Variants in MARCHF3 observed in about 807,000 individuals in gnomAD.
MARCHF3 encodes E3 ubiquitin-protein ligase MARCHF3.
Under a neutral mutation model 24.2 loss-of-function variants are expected in MARCHF3, and 13 were observed. The ratio of observed to expected loss-of-function variants is 0.54; its 90% CI spans 0.35 to 0.85. The LOEUF (loss-of-function observed/expected upper bound fraction) is 0.85. MARCHF3 is among the 40% of genes least tolerant of loss of function. MARCHF3 has a pLI of 0.01. For missense variants in MARCHF3, 276 were observed against 325.0 expected (o/e 0.85, Z 1.16); for synonymous variants, 144 against 137.3 (o/e 1.05, Z -0.34).
chr5:126,916,684 GACAGACAGACACAC>G (rs1754744833), intron 2 of MARCHF3, among the ~76,000 whole-genome samples: 2 of 93,434 alleles, frequency 2.1e-5, no homozygotes, highest in African/African-American at 9.4e-5. Context: ...CTGACAGACA[GACAGACAGACACAC>G]ACACACACAC....
chr5:126,900,976 G>C (rs976476894), intron 3 of MARCHF3, among the ~76,000 whole-genome samples: 10 of 152,006 alleles, frequency 6.6e-5, no homozygotes, highest in Admixed American at 5.9e-4. Flanking sequence ...AAAGTGCTGG[G>C]ATAACAGGCA....
intron 3 of MARCHF3, among the ~76,000 whole-genome samples, chr5:126,901,240 C>T (rs12654808): frequency 0.02 from 3,107 of 152,212 alleles, 80 homozygotes; most frequent in South Asian, 0.12. Flanking sequence ...AACCCCTTAA[C>T]TCTGTAAAAC....
At position 127,030,401 on chromosome 5, in the gene MARCHF3, T is replaced by A. The variant is rs1753146608; in HGVS notation, c.-108A>T. On this transcript the variant is annotated 5_prime_UTR_variant, in exon 1 of 5. Transcript: ENST00000308660. The stretch of plus-strand genomic sequence containing the variant: ...CCGACGTCCCTGCTGCGGTTCTAAG[T>A]GCCAAGTTGCCCCCAGTCGGTGGCT... 6.6e-6 allele frequency: 1 copy of A among 152,308 alleles called. No homozygotes were observed. The highest frequency in any genetic ancestry group is 1.5e-5 in the Non-Finnish European group (1 of 68,138). 9.4% of individuals were successfully genotyped at this position (152,308 alleles called of 1,614,324 possible).
chr5:126,888,200 C>T (rs1224337111), intron 3 of MARCHF3, among the ~76,000 whole-genome samples: 2 of 152,216 alleles, frequency 1.3e-5, no homozygotes, highest in Non-Finnish European at 2.9e-5. Flanking sequence ...TTTTGCCACA[C>T]ACATGTGCAC....
chr5:126,965,248 A>G (rs1271391263), intron 1 of MARCHF3, among the ~76,000 whole-genome samples: 1 of 152,158 alleles, frequency 6.6e-6, no homozygotes, highest in Non-Finnish European at 1.5e-5. Flanking sequence ...GAAGAAACCA[A>G]TGCTCTATTA....
At chr5:126,968,414 T>C (rs1488142941) in intron 1 of MARCHF3, among the ~76,000 whole-genome samples, 1 of 152,252 alleles carries the variant, frequency 6.6e-6, no homozygotes, top group Non-Finnish European at 1.5e-5. Flanking sequence ...TGTTTATCTT[T>C]TTGATTCTAT....
chr5:126,883,138 T>C (rs185624604), intron 3 of MARCHF3, among the ~76,000 whole-genome samples: 1 of 152,348 alleles, frequency 6.6e-6, no homozygotes, highest in Non-Finnish European at 1.5e-5. Flanking sequence ...GTGGACAGCT[T>C]TTGCAGCTCA....
intron 4 of MARCHF3, among the ~76,000 whole-genome samples, chr5:126,872,361 A>G (rs971758517): frequency 5.3e-5 from 8 of 152,106 alleles, no homozygotes; most frequent in Non-Finnish European, 1.0e-4. Context: ...TGCCCGGCCA[A>G]GGTGCTTGCT....
intron 1 of MARCHF3, among the ~76,000 whole-genome samples, chr5:126,974,981 G>A (rs973852288): frequency 1.3e-5 from 2 of 152,100 alleles, no homozygotes; most frequent in African/African-American, 4.8e-5. Flanking sequence ...TTATTGAGAT[G>A]GAGTCTCGCT....
chr5:126,938,165 C>CTTTTTTTTTTTTTTTTTTTTTT (rs527628656), intron 1 of MARCHF3, among the ~76,000 whole-genome samples: 1 of 122,916 alleles, frequency 8.1e-6, no homozygotes, highest in Non-Finnish European at 1.7e-5. Context: ...TGATCTGATT[C>CTTTTTTTTTTTTTTTTTTTTTT]TTTTTTTTTT....
chr5:127,009,109 C>T (rs1046712153), intron 1 of MARCHF3, among the ~76,000 whole-genome samples: 2 of 152,164 alleles, frequency 1.3e-5, no homozygotes, highest in East Asian at 3.9e-4. Context: ...TCCAAATTTC[C>T]TCCACAAAAA....
At position 126,926,411 on chromosome 5, in the gene MARCHF3, C is replaced by A. The variant is rs73783499; in HGVS notation, c.-56-8184G>T. Among the ~76,000 whole-genome samples, 1,285 of 152,252 alleles carry A rather than the reference C, an allele frequency of 8.4e-3. 19 individuals are homozygous for A. The highest frequency in any genetic ancestry group is 0.025 in the East Asian group (132 of 5,178). ...CAACACATTTGGCTGCATTACTTTG[C>A]ATTTACACACAAGATAAGCAAGGTC... On this transcript the variant is annotated intron_variant, in intron 1 of 4. Transcript: ENST00000308660.
rs1243671132 is a variant in MARCHF3 at position 126,870,192 on chromosome 5, CAAAT to C, written c.*437_*440del. 1 of 152,746 alleles carries C rather than the reference CAAAT, an allele frequency of 6.5e-6. No homozygotes were observed. Among genetic ancestry groups the C allele is most frequent in the African/African-American group, 2.4e-5 (1 of 41,426 alleles). 9.5% of individuals were successfully genotyped at this position (152,746 alleles called of 1,614,324 possible). ...CGAGAAACTGAGAAACAAACTAACT[CAAAT>C]AAGACCCAACCAAACCAAGAAACCA... On this transcript the variant is annotated 3_prime_UTR_variant, in exon 5 of 5. Transcript: ENST00000308660.
intron 1 of MARCHF3, among the ~76,000 whole-genome samples, chr5:127,004,826 A>C (rs1752253977): frequency 6.6e-6 from 1 of 152,248 alleles, no homozygotes; most frequent in Non-Finnish European, 1.5e-5. Flanking sequence ...TAAAAGGCAT[A>C]TTAGAAAAAG....
At chr5:126,908,540 A>G (rs1275204761) in intron 3 of MARCHF3, among the ~76,000 whole-genome samples, 5 of 151,964 alleles carry the variant, frequency 3.3e-5, no homozygotes, top group African/African-American at 1.2e-4. Context: ...TTTTTTCTCT[A>G]AACTTCCCTT....
chr5:126,896,018 G>GT (rs1160992312), intron 3 of MARCHF3, among the ~76,000 whole-genome samples: 1 of 152,154 alleles, frequency 6.6e-6, no homozygotes, highest in Non-Finnish European at 1.5e-5. Context: ...CTGGTGCGCC[G>GT]TTTTTTAAGC....
At chr5:126,879,648 C>T (rs908922238) in intron 3 of MARCHF3, among the ~76,000 whole-genome samples, 1 of 152,212 alleles carries the variant, frequency 6.6e-6, no homozygotes, top group South Asian at 2.1e-4. Context: ...AGATTTAATT[C>T]AGTGCTTACA....
intron 1 of MARCHF3, among the ~76,000 whole-genome samples, chr5:127,008,789 C>T (rs554246971): frequency 3.3e-5 from 5 of 152,204 alleles, no homozygotes; most frequent in East Asian, 1.9e-4. Context: ...TGGCAGGCAA[C>T]GGGCCAGACA....
intron 1 of MARCHF3, among the ~76,000 whole-genome samples, chr5:126,999,711 A>G (rs1039948286): frequency 6.6e-6 from 1 of 152,216 alleles, no homozygotes; most frequent in Non-Finnish European, 1.5e-5. Context: ...AATCAAATAC[A>G]CATCATTTAT....
Sources: allele counts gnomAD v4.1 joint callset (sites outside exome capture counted in the v4.1 genomes callset), GRCh38; gene constraint gnomAD v4.1.1; transcripts MANE v1.5; gene names NCBI Gene and HGNC (gene_info 2026-07-23, HGNC 2026-07-21).